Variants in MAST2 observed in about 807,000 individuals in gnomAD.
MAST2 encodes the protein microtubule-associated serine/threonine-protein kinase 2.
Under a neutral mutation model 147.4 loss-of-function variants are expected in MAST2, and 70 were observed. The ratio of observed to expected loss-of-function variants is 0.47; its 90% CI spans 0.39 to 0.58. The LOEUF (loss-of-function observed/expected upper bound fraction) is 0.58, where lower values mean the gene tolerates loss of function less well. Ranked by LOEUF, MAST2 falls within the 20% of genes least tolerant of loss-of-function variation. MAST2 has a pLI of 0.00. For missense variants in MAST2, 2,080 were observed against 2,302.3 expected, an observed-to-expected ratio of 0.90 and a Z score of 1.98; for synonymous variants, 869 against 896.8, an observed-to-expected ratio of 0.97 and a Z score of 0.55.
intron 4 of MAST2, among the ~76,000 whole-genome samples, chr1:45,937,146 G>T (rs1463010387): frequency 6.6e-6 from 1 of 150,832 alleles, no homozygotes; most frequent in Admixed American, 6.6e-5. Context: ...ACGTTGCCCA[G>T]GGTGATCCTA....
intron 3 of MAST2, 71 bp from the exon 4 acceptor site, chr1:45,882,293 A>C (rs1646888271): frequency 1.1e-6 from 1 of 949,396 alleles, no homozygotes; most frequent in Non-Finnish European, 1.7e-6. Flanking sequence ...TGAATTTCCT[A>C]GGACATTTAG....
Position 46,023,074 on chromosome 1 carries a change from T to C in MAST2, c.1485+103T>C, listed in dbSNP as rs1181711843. The C allele has an allele frequency of 1.6e-6, 2 of 1,269,094 alleles. No individual in the cohort carries two copies. Among genetic ancestry groups the C allele is most frequent in the Non-Finnish European group, 2.3e-6 (2 of 873,276 alleles). 78.6% of individuals were successfully genotyped at this position (1,269,094 alleles called of 1,614,324 possible). On this transcript the variant is annotated intron_variant, in intron 13 of 28. Coordinates refer to ENST00000361297, the MANE Select transcript of MAST2 (RefSeq NM_015112.3). The surrounding 1 kb of genome is among the most constrained non-coding windows in gnomAD (Gnocchi z 4.9). ...AATATCTGAGGAAGGGATGGGGGAG[T>C]TGGTGACAGCAAACACTGAGAAGTC...
At chr1:45,810,659 A>C (rs1257386851) in intron 1 of MAST2, among the ~76,000 whole-genome samples, 8 of 151,266 alleles carry the variant, frequency 5.3e-5, no homozygotes, top group Admixed American at 5.3e-4. Context: ...TAAAAATACA[A>C]AAATAGCCAG....
At chr1:45,893,157 A>G (rs1312100224) in intron 4 of MAST2, among the ~76,000 whole-genome samples, 1 of 152,176 alleles carries the variant, frequency 6.6e-6, no homozygotes, top group East Asian at 1.9e-4. Context: ...TTGAAATGTT[A>G]AAAGTAAGGT....
At chr1:45,931,461 G>A (rs1655297151) in intron 4 of MAST2, among the ~76,000 whole-genome samples, 1 of 142,354 alleles carries the variant, frequency 7.0e-6, no homozygotes, top group Non-Finnish European at 1.5e-5. Flanking sequence ...TACCTCCTGG[G>A]CTCAAGTGAT....
At chr1:45,922,564 C>T (rs952163627) in intron 4 of MAST2, among the ~76,000 whole-genome samples, 1 of 152,198 alleles carries the variant, frequency 6.6e-6, no homozygotes, top group Admixed American at 6.5e-5. Context: ...AGCTCCCGGG[C>T]TGGGTCCCAA....
At position 45,829,535 on chromosome 1, in the gene MAST2, G is replaced by GA; in HGVS notation, c.425dup (p.Asn142LysfsTer31). 1 of 1,614,230 alleles carries GA rather than the reference G, an allele frequency of 6.2e-7. No homozygotes were observed. The highest frequency in any genetic ancestry group is 8.5e-7 in the Non-Finnish European group (1 of 1,180,030). Reference sequence around the variant, plus strand: ...GAAGCATCAAACCTGGTTCGAATGAGAAACCAGTCCCTTGGACAGTCTGCA... The same window carrying GA: ...GAAGCATCAAACCTGGTTCGAATGAGAAAACCAGTCCCTTGGACAGTCTGCA... On this transcript the variant is annotated frameshift_variant, in exon 3 of 29. Transcript: ENST00000361297. LOFTEE classifies it high-confidence loss of function.
At chr1:45,958,075 G>C (rs1659893340) in intron 4 of MAST2, among the ~76,000 whole-genome samples, 1 of 152,130 alleles carries the variant, frequency 6.6e-6, no homozygotes, top group Admixed American at 6.5e-5. Flanking sequence ...AGTAGTGGGA[G>C]ACTGTCAGGT....
intron 4 of MAST2, among the ~76,000 whole-genome samples, chr1:45,893,541 A>G (rs938480565): frequency 4.0e-5 from 6 of 151,798 alleles, no homozygotes; most frequent in Admixed American, 1.3e-4. Context: ...GCACCTGGCC[A>G]GTATTTTAGA....
Position 46,011,791 on chromosome 1 carries a change from G to A in MAST2, c.1188+852G>A, listed in dbSNP as rs182981386. On this transcript the variant is annotated intron_variant, in intron 10 of 28. Coordinates refer to ENST00000361297, the MANE Select transcript of MAST2 (RefSeq NM_015112.3). The stretch of plus-strand genomic sequence containing the variant: ...TGATCAAAAGGACATCAGTGTGTTC[G>A]TCTAGAAATAAGAAGGAGCAGGGAG... 1.6e-3 allele frequency among the ~76,000 whole-genome samples: 239 copies of A among 152,304 alleles called. 5 individuals are homozygous for A. In the South Asian group the frequency reaches 0.037, roughly 23 times the overall value.
chr1:46,029,580 C>G lies in MAST2; in HGVS notation c.2320+13C>G, dbSNP rs1213528988. 1 of 1,610,566 alleles carries G rather than the reference C, an allele frequency of 6.2e-7. No homozygotes were observed. The highest frequency in any genetic ancestry group is 1.7e-5 in the Admixed American group (1 of 59,372). The stretch of plus-strand genomic sequence containing the variant: ...AGACTTGGCACAGGTAGGGCAGGCC[C>G]TGCTAACTTTTCTCACTACTTGGAA... On this transcript the variant is annotated intron_variant, in intron 19 of 28. Coordinates refer to ENST00000361297, the MANE Select transcript of MAST2 (RefSeq NM_015112.3).
intron 4 of MAST2, among the ~76,000 whole-genome samples, chr1:45,908,435 C>T (rs1651131570): frequency 6.6e-6 from 1 of 152,090 alleles, no homozygotes. Flanking sequence ...ATATATGTGC[C>T]TCTAAGCACT....
intron 4 of MAST2, among the ~76,000 whole-genome samples, chr1:45,955,123 C>T (rs1659465202): frequency 1.4e-5 from 2 of 141,226 alleles, no homozygotes; most frequent in South Asian, 4.6e-4. Context: ...ATACAAAAGC[C>T]CCTGCCCTCA....
intron 1 of MAST2, among the ~76,000 whole-genome samples, chr1:45,819,246 C>T (rs1357242569): frequency 7.8e-6 from 1 of 128,332 alleles, no homozygotes; most frequent in Non-Finnish European, 1.7e-5. Flanking sequence ...AGAGCAAAGT[C>T]TGTCTCAAAA....
intron 4 of MAST2, among the ~76,000 whole-genome samples, chr1:45,946,841 G>GT (rs1312178038): frequency 6.6e-6 from 1 of 152,142 alleles, no homozygotes; most frequent in African/African-American, 2.4e-5. Context: ...GGAGCATACT[G>GT]TTTCCTTAGT....
intron 3 of MAST2, among the ~76,000 whole-genome samples, chr1:45,878,117 T>G (rs912327360): frequency 2.7e-5 from 4 of 148,108 alleles, no homozygotes; most frequent in Admixed American, 6.9e-5. Flanking sequence ...GGCAGGAAAA[T>G]CACTTGAACC....
intron 4 of MAST2, among the ~76,000 whole-genome samples, chr1:45,930,735 C>G (rs753309864): frequency 2.0e-4 from 30 of 152,090 alleles, no homozygotes; most frequent in Non-Finnish European, 3.2e-4. Flanking sequence ...TTTTCACCCC[C>G]CAAACCAGGG....
Position 46,029,461 on chromosome 1 carries a change from T to C in MAST2, c.2219-5T>C, listed in dbSNP as rs1263439851. 1 of 1,612,384 alleles carries C rather than the reference T, an allele frequency of 6.2e-7. No homozygotes were observed. Among genetic ancestry groups the C allele is most frequent in the Non-Finnish European group, 8.5e-7 (1 of 1,178,682 alleles). ...TCCTTTCCCTCTCACCCCTGATGAC[T>C]TCAGATGAGATTGTGTGGCCTGAGG... On this transcript the variant is annotated splice_polypyrimidine_tract_variant and splice_region_variant and intron_variant, in intron 18 of 28. Coordinates refer to ENST00000361297, the MANE Select transcript of MAST2 (RefSeq NM_015112.3).
intron 16 of MAST2, 143 bp from the exon 17 acceptor site, chr1:46,027,588 C>T (rs535808290): frequency 2.5e-6 from 2 of 814,820 alleles, no homozygotes; most frequent in South Asian, 3.6e-5. Flanking sequence ...TCCACACCTG[C>T]CTGTCCCCCC....
Sources: allele counts gnomAD v4.1 joint callset (sites outside exome capture counted in the v4.1 genomes callset), GRCh38; gene constraint gnomAD v4.1.1; non-coding constraint Gnocchi (gnomAD v3.1); transcripts MANE v1.5; gene names NCBI Gene and HGNC (gene_info 2026-07-23, HGNC 2026-07-21).